Variants in IQCJ observed in about 807,000 individuals in gnomAD.
IQCJ encodes IQ motif containing J.
In IQCJ, 9 loss-of-function variants were observed where a neutral mutation model predicts 11.0. That is an observed-to-expected ratio of 0.82 (90% CI 0.49 to 1.43). IQCJ has a LOEUF of 1.43. IQCJ is among the 40% of genes most tolerant of loss of function. The probability of loss-of-function intolerance (pLI) is 0.00; values close to 1 mark genes in which losing one functional copy is unlikely to be tolerated. For synonymous variants in IQCJ, 55 were observed against 51.3 expected (o/e 1.07, Z -0.31); for missense variants, 146 against 133.2 (o/e 1.10, Z -0.47).
At chr3:159,148,756 G>A (rs1015586145) in intron 1 of IQCJ, among the ~76,000 whole-genome samples, 1 of 152,280 alleles carries the variant, frequency 6.6e-6, no homozygotes. Flanking sequence ...CACATTGACA[G>A]CCAAATGTGA....
chr3:159,182,461 C>T (rs1237979717), intron 1 of IQCJ, among the ~76,000 whole-genome samples: 1 of 152,014 alleles, frequency 6.6e-6, no homozygotes, highest in African/African-American at 2.4e-5. Context: ...GCAGGACAAG[C>T]CGCAGACAAA....
At chr3:159,105,660 C>G (rs181741061) in intron 1 of IQCJ, among the ~76,000 whole-genome samples, 21 of 152,180 alleles carry the variant, frequency 1.4e-4, no homozygotes, top group Admixed American at 5.2e-4. Flanking sequence ...ATGAAAAAAT[C>G]CAAGGCAAGA....
intron 1 of IQCJ, among the ~76,000 whole-genome samples, chr3:159,172,928 T>G (rs1722569638): frequency 6.6e-6 from 1 of 152,192 alleles, no homozygotes. Flanking sequence ...ACCAGAAGTT[T>G]TGAGAGTTAC....
chr3:159,116,661 TATATATATAC>T (rs1332618630), intron 1 of IQCJ, among the ~76,000 whole-genome samples: 1,692 of 27,654 alleles, frequency 0.061, 153 homozygotes, highest in Non-Finnish European at 0.081. Context: ...TATATATATA[TATATATATAC>T]ACCCTTCATC....
At chr3:159,238,414 G>A (rs1003847484) in intron 1 of IQCJ, among the ~76,000 whole-genome samples, 6 of 152,156 alleles carry the variant, frequency 3.9e-5, no homozygotes, top group African/African-American at 9.7e-5. Context: ...AATAGCAGAC[G>A]ATATAAAACT....
At chr3:159,080,357 C>T (rs1716227644) in intron 1 of IQCJ, among the ~76,000 whole-genome samples, 1 of 152,050 alleles carries the variant, frequency 6.6e-6, no homozygotes, top group Non-Finnish European at 1.5e-5. Flanking sequence ...TAAACTCTTC[C>T]ACTGTGGTTA....
chr3:159,263,484 G>C lies in IQCJ; in HGVS notation c.*753G>C, dbSNP rs569784302. Reference sequence around the variant, plus strand: ...CCAAAAGTGGGAAGAAATCAGTGATGAGGGATTTATGAACCAGGATTTTGT... The same window carrying C: ...CCAAAAGTGGGAAGAAATCAGTGATCAGGGATTTATGAACCAGGATTTTGT... On this transcript the variant is annotated 3_prime_UTR_variant, in exon 4 of 4. Transcript: ENST00000397832. 6.2e-5 allele frequency: 61 copies of C among 984,164 alleles called. No individual in the cohort carries two copies. The African/African-American group carries it at 7.1e-4, about 12-fold the overall frequency. The allele number at this position is 984,164 out of a possible 1,614,324, so 61.0% of individuals were successfully genotyped here. A position where few individuals can be genotyped will look rare whatever the true frequency, so the allele number is the denominator to read the frequency against.
chr3:159,256,117 C>G (rs1727881981), intron 3 of IQCJ, among the ~76,000 whole-genome samples: 2 of 152,204 alleles, frequency 1.3e-5, no homozygotes, highest in South Asian at 2.1e-4. Context: ...ACAGATCTTC[C>G]TAATACAAAC....
chr3:159,237,166 G>A (rs967465974), intron 1 of IQCJ, among the ~76,000 whole-genome samples: 1 of 152,194 alleles, frequency 6.6e-6, no homozygotes, highest in Non-Finnish European at 1.5e-5. Flanking sequence ...TTAGAAACAA[G>A]TGAACAAGTG....
chr3:159,220,739 G>A (rs1421809650), intron 1 of IQCJ, among the ~76,000 whole-genome samples: 1 of 152,168 alleles, frequency 6.6e-6, no homozygotes, highest in Non-Finnish European at 1.5e-5. Flanking sequence ...ACAAGAACAT[G>A]AGCAAACATT....
intron 2 of IQCJ, among the ~76,000 whole-genome samples, chr3:159,251,403 A>G (rs1028168895): frequency 1.3e-5 from 2 of 151,602 alleles, no homozygotes; most frequent in Admixed American, 6.6e-5. Context: ...TCCATTTATC[A>G]TATTTCCCTG....
intron 1 of IQCJ, among the ~76,000 whole-genome samples, chr3:159,128,821 T>G (rs1185437179): frequency 1.3e-5 from 2 of 152,224 alleles, no homozygotes; most frequent in Non-Finnish European, 2.9e-5. Context: ...CTCATCTTTT[T>G]CTACCCAAGT....
chr3:159,073,588 G>A (rs1715724871), intron 1 of IQCJ, among the ~76,000 whole-genome samples: 1 of 152,012 alleles, frequency 6.6e-6, no homozygotes, highest in South Asian at 2.1e-4. Flanking sequence ...CCCTCCAAAT[G>A]TACTCTTTCA....
At chr3:159,214,037 C>G (rs1444692866) in intron 1 of IQCJ, among the ~76,000 whole-genome samples, 2 of 152,132 alleles carry the variant, frequency 1.3e-5, no homozygotes, top group African/African-American at 4.8e-5. Flanking sequence ...CCTGGGAAAT[C>G]CTATTCATTC....
At chr3:159,157,568 A>G (rs542195427) in intron 1 of IQCJ, among the ~76,000 whole-genome samples, 1 of 152,322 alleles carries the variant, frequency 6.6e-6, no homozygotes, top group Non-Finnish European at 1.5e-5. Context: ...TTTTGAATAG[A>G]TGTTACATTT....
chr3:159,161,890 A>G (rs1270632415), intron 1 of IQCJ, among the ~76,000 whole-genome samples: 9 of 151,596 alleles, frequency 5.9e-5, no homozygotes, highest in Non-Finnish European at 1.0e-4. Context: ...ATTGATCTAT[A>G]TCTCTGTTTT....
chr3:159,148,715 C>A (rs1227247899), intron 1 of IQCJ, among the ~76,000 whole-genome samples: 2 of 152,154 alleles, frequency 1.3e-5, no homozygotes, highest in African/African-American at 4.8e-5. Context: ...TTTGAAATTG[C>A]AAAATCACCT....
Position 159,262,533 on chromosome 3 carries a change from G to T in IQCJ, c.156-15G>T, listed in dbSNP as rs1194792071. The stretch of plus-strand genomic sequence containing the variant: ...TCATGTGTGTGCTGTTTTTTGTTTT[G>T]TTTTGTTTTTTCAGCATTCAGCGAG... On this transcript the variant is annotated splice_polypyrimidine_tract_variant and intron_variant, in intron 3 of 3. Coordinates refer to ENST00000397832, the MANE Select transcript of IQCJ (RefSeq NM_001042706.3). The T allele has an allele frequency of 2.5e-6, 4 of 1,607,696 alleles. No individual in the cohort carries two copies. Among genetic ancestry groups the T allele is most frequent in the Admixed American group, 1.7e-5 (1 of 58,526 alleles).
intron 1 of IQCJ, among the ~76,000 whole-genome samples, chr3:159,204,818 A>C (rs910487794): frequency 6.6e-6 from 1 of 152,186 alleles, no homozygotes; most frequent in Non-Finnish European, 1.5e-5. Context: ...AGAATTGACA[A>C]AACAGGGAAG....
Sources: allele counts gnomAD v4.1 joint callset (sites outside exome capture counted in the v4.1 genomes callset), GRCh38; gene constraint gnomAD v4.1.1; transcripts MANE v1.5; gene names NCBI Gene and HGNC (gene_info 2026-07-23, HGNC 2026-07-21).